Variants in CDH18 observed in about 807,000 individuals in gnomAD.
The protein encoded by CDH18 is cadherin 18, also known as cadherin-18.
A neutral mutation model predicts 67.9 loss-of-function variants in CDH18; 31 were observed. That is an observed-to-expected ratio of 0.46 (90% CI 0.34 to 0.62). The LOEUF is 0.62. Among genes scored for constraint, CDH18 ranks in the 20% least tolerant of loss-of-function variants. The probability of loss-of-function intolerance (pLI) is 0.01; values close to 1 mark genes in which losing one functional copy is unlikely to be tolerated. For missense variants in CDH18, 890 were observed against 975.5 expected (o/e 0.91, Z 1.17); for synonymous variants, 362 against 347.2 (o/e 1.04, Z -0.48).
intron 1 of CDH18, among the ~76,000 whole-genome samples, chr5:20,255,679 T>C (rs1744180798): frequency 6.6e-6 from 1 of 152,006 alleles, no homozygotes; most frequent in African/African-American, 2.4e-5. Flanking sequence ...TTTTCCTTTT[T>C]AGGGCATGAC....
intron 2 of CDH18, among the ~76,000 whole-genome samples, chr5:19,908,300 G>A (rs1293877038): frequency 1.3e-5 from 2 of 151,978 alleles, no homozygotes; most frequent in African/African-American, 4.8e-5. Context: ...ACAATGACAT[G>A]CTTCTTATTT....
intron 2 of CDH18, among the ~76,000 whole-genome samples, chr5:20,108,106 A>C (rs1189523050): frequency 1.3e-5 from 2 of 151,806 alleles, no homozygotes; most frequent in Non-Finnish European, 2.9e-5. Flanking sequence ...GTTTTGAGGC[A>C]GTCTTGCTCT....
At chr5:20,497,447 G>T (rs1407018837) in intron 1 of CDH18, among the ~76,000 whole-genome samples, 1 of 152,012 alleles carries the variant, frequency 6.6e-6, no homozygotes, top group Non-Finnish European at 1.5e-5. Flanking sequence ...TGTTACAATT[G>T]TTTACAGTAT....
chr5:19,636,584 C>G (rs1341238638), intron 5 of CDH18, among the ~76,000 whole-genome samples: 1 of 151,812 alleles, frequency 6.6e-6, no homozygotes, highest in East Asian at 1.9e-4. Context: ...ACTGCTACCT[C>G]TAATCTCCAA....
intron 1 of CDH18, among the ~76,000 whole-genome samples, chr5:20,260,734 C>T (rs1744589093): frequency 1.3e-5 from 2 of 152,118 alleles, no homozygotes; most frequent in Non-Finnish European, 2.9e-5. Flanking sequence ...TCCACCATAG[C>T]AGGCTGATTC....
intron 1 of CDH18, among the ~76,000 whole-genome samples, chr5:20,290,656 T>C (rs1747036304): frequency 6.6e-6 from 1 of 152,096 alleles, no homozygotes; most frequent in Non-Finnish European, 1.5e-5. Flanking sequence ...TATGATCCAG[T>C]GAAAAATGCT....
At chr5:19,756,590 G>A (rs760788880) in intron 3 of CDH18, among the ~76,000 whole-genome samples, 2 of 152,192 alleles carry the variant, frequency 1.3e-5, no homozygotes, top group Non-Finnish European at 2.9e-5. Context: ...CTGTTGTGGA[G>A]TAGTGGACTG....
rs77704144 is a variant in CDH18 at position 19,520,791 on chromosome 5, C to A, written c.1391-13G>T. 1.3e-3 allele frequency: 2,090 copies of A among 1,611,776 alleles called. 21 individuals carry two copies. The African/African-American group carries it at 0.023, about 18-fold the overall frequency. On this transcript the variant is annotated splice_polypyrimidine_tract_variant and intron_variant, in intron 9 of 12. Transcript: ENST00000382275. ...AAATCAGGATTATCTGCAAAATACA[C>A]AGGAATGTATTTAGTATTTCCATGC... is the stretch of plus-strand genomic sequence containing the variant.
intron 1 of CDH18, among the ~76,000 whole-genome samples, chr5:20,487,032 C>T (rs1753240559): frequency 6.6e-6 from 1 of 152,106 alleles, no homozygotes; most frequent in African/African-American, 2.4e-5. Flanking sequence ...ACTCATGTTC[C>T]CCTGACTGCG....
At chr5:20,045,217 T>C (rs1740798449) in intron 2 of CDH18, among the ~76,000 whole-genome samples, 1 of 152,176 alleles carries the variant, frequency 6.6e-6, no homozygotes, top group Non-Finnish European at 1.5e-5. Context: ...AAAACATTTA[T>C]TTTTGAAACT....
intron 1 of CDH18, among the ~76,000 whole-genome samples, chr5:20,384,455 T>C (rs1048101565): frequency 6.6e-6 from 1 of 152,212 alleles, no homozygotes; most frequent in Admixed American, 6.5e-5. Context: ...CTGTTGGGCA[T>C]ATATACCACA....
intron 1 of CDH18, among the ~76,000 whole-genome samples, chr5:20,360,928 A>G (rs1742040128): frequency 6.6e-6 from 1 of 152,146 alleles, no homozygotes; most frequent in East Asian, 1.9e-4. Context: ...TCAAAGGCAA[A>G]ATGCTTTTAA....
intron 8 of CDH18, among the ~76,000 whole-genome samples, chr5:19,568,821 GT>G (rs1740878018): frequency 1.3e-5 from 2 of 152,088 alleles, no homozygotes; most frequent in Admixed American, 1.3e-4. Flanking sequence ...AAGGTAATTT[GT>G]TATAGCAGCG....
chr5:19,609,323 C>T (rs1748580497), intron 6 of CDH18, among the ~76,000 whole-genome samples: 1 of 151,846 alleles, frequency 6.6e-6, no homozygotes, highest in Admixed American at 6.6e-5. Flanking sequence ...TTTTCCAACA[C>T]CATGTAGCCC....
Position 19,807,162 on chromosome 5 carries a change from C to T in CDH18, c.228+31597G>A, listed in dbSNP as rs1056024646. 6.6e-5 allele frequency among the ~76,000 whole-genome samples: 10 copies of T among 152,058 alleles called. No individual in the cohort carries two copies. In the East Asian group the frequency reaches 1.4e-3, roughly 21 times the overall value. Reference sequence around the variant, plus strand: ...CAGGGAGGGGAACAAAATATAGGGACCTGTTGGGATTTGTGGTGGGGGTAG... The same window carrying T: ...CAGGGAGGGGAACAAAATATAGGGATCTGTTGGGATTTGTGGTGGGGGTAG... On this transcript the variant is annotated intron_variant, in intron 3 of 12. Transcript: ENST00000382275.
intron 2 of CDH18, among the ~76,000 whole-genome samples, chr5:19,915,744 G>A (rs1409257682): frequency 1.3e-5 from 2 of 151,686 alleles, no homozygotes. Context: ...ATAGATAGAT[G>A]GATAGGTGTT....
intron 5 of CDH18, among the ~76,000 whole-genome samples, chr5:19,699,612 A>ATGTGTGTGTG (rs760334528): frequency 3.6e-5 from 5 of 139,012 alleles, no homozygotes; most frequent in East Asian, 2.1e-4. Context: ...CTCTTTCTCC[A>ATGTGTGTGTG]TGTGTGTGTG....
intron 1 of CDH18, among the ~76,000 whole-genome samples, chr5:20,557,117 G>C (rs1368965026): frequency 6.6e-6 from 1 of 152,086 alleles, no homozygotes; most frequent in Non-Finnish European, 1.5e-5. Context: ...ATGTCTGATA[G>C]TAACAGGTAC....
intron 2 of CDH18, among the ~76,000 whole-genome samples, chr5:19,876,924 T>C (rs1357589809): frequency 6.6e-6 from 1 of 152,102 alleles, no homozygotes; most frequent in Non-Finnish European, 1.5e-5. Flanking sequence ...AGTCACTTCT[T>C]GGCATGGCTC....
Sources: gnomAD v4.1 joint callset for allele counts (sites outside exome capture counted in the v4.1 genomes callset) on GRCh38, gnomAD v4.1.1 for gene constraint, MANE v1.5 for transcripts, NCBI Gene and HGNC (gene_info 2026-07-23, HGNC 2026-07-21) for gene names.